Variants in DSCAML1 observed in about 807,000 individuals in gnomAD.
The protein encoded by DSCAML1 is DS cell adhesion molecule like 1, also known as cell adhesion molecule DSCAML1.
Under a neutral mutation model 200.5 loss-of-function variants are expected in DSCAML1, and 38 were observed. The ratio of observed to expected loss-of-function variants is 0.19; its 90% CI spans 0.15 to 0.25. The LOEUF (loss-of-function observed/expected upper bound fraction) is 0.25, where lower values mean the gene tolerates loss of function less well. DSCAML1 is among the 10% of genes least tolerant of loss of function. The pLI is 1.00. For missense variants in DSCAML1, 2,223 were observed against 2,858.8 expected (o/e 0.78, Z 5.07); for synonymous variants, 1,215 against 1,165.0 (o/e 1.04, Z -0.87).
intron 3 of DSCAML1, among the ~76,000 whole-genome samples, chr11:117,534,997 C>G (rs2050140214): frequency 6.6e-6 from 1 of 150,806 alleles, no homozygotes; most frequent in Admixed American, 6.6e-5. Flanking sequence ...TCCAATTGCC[C>G]CTCCCTCCCT....
rs2050783224 is a variant in DSCAML1 at position 117,567,812 on chromosome 11, C to T, written c.512-35290G>A. ...CAGAGGTACAAGGAGGAACTGGTAC[C>T]ATTCCTTCTGAAACTATTCCAATCA... On this transcript the variant is annotated intron_variant, in intron 3 of 32. Coordinates refer to ENST00000651296, the MANE Select transcript of DSCAML1 (RefSeq NM_020693.4). Among the ~76,000 whole-genome samples, 5 of 152,158 alleles carry T rather than the reference C, an allele frequency of 3.3e-5. No homozygotes were observed. In the South Asian group the frequency reaches 1.0e-3, roughly 32 times the overall value.
At chr11:117,670,818 G>A (rs1232423438) in intron 3 of DSCAML1, among the ~76,000 whole-genome samples, 2 of 152,172 alleles carry the variant, frequency 1.3e-5, no homozygotes, top group African/African-American at 2.4e-5. Flanking sequence ...GGGAAGGCAG[G>A]AGCAAACCTG....
rs182072493 is a variant in DSCAML1, at chr11:117,439,179, C to G, written c.4144+87G>C. On this transcript the variant is annotated intron_variant, in intron 23 of 32. Transcript: ENST00000651296. Reference sequence around the variant, plus strand: ...GTCTCTCCCTTGGTTTGGCTTCTTCCATTCGATGACCCTCTCGCATGATGG... The same window carrying G: ...GTCTCTCCCTTGGTTTGGCTTCTTCGATTCGATGACCCTCTCGCATGATGG... 3.4e-5 allele frequency: 53 copies of G among 1,542,582 alleles called. No homozygotes were observed. The African/African-American group carries it at 6.8e-4, about 20-fold the overall frequency.
chr11:117,751,534 G>T (rs2054605265), intron 3 of DSCAML1, among the ~76,000 whole-genome samples: 1 of 151,814 alleles, frequency 6.6e-6, no homozygotes, highest in Admixed American at 6.6e-5. Flanking sequence ...ACCATCTCGG[G>T]GCTTGGACAG....
At position 117,750,159 on chromosome 11, in the gene DSCAML1, C is replaced by G. The variant is rs534761416; in HGVS notation, c.511+26632G>C. On this transcript the variant is annotated intron_variant, in intron 3 of 32. Coordinates refer to ENST00000651296, the MANE Select transcript of DSCAML1 (RefSeq NM_020693.4). ...GGGCATCTGGCTGGAAGAGAGAGAACAAGGGATGTCTCAGCCTCCAGCAAG... is the reference window on the plus strand; with the variant it reads ...GGGCATCTGGCTGGAAGAGAGAGAAGAAGGGATGTCTCAGCCTCCAGCAAG... Among the ~76,000 whole-genome samples, 65 of 152,272 alleles carry G rather than the reference C, an allele frequency of 4.3e-4. 1 individual carries two copies. The South Asian group carries it at 0.013, about 30-fold the overall frequency.
At chr11:117,509,143 C>T (rs1289384882) in intron 8 of DSCAML1, among the ~76,000 whole-genome samples, 5 of 151,976 alleles carry the variant, frequency 3.3e-5, no homozygotes, top group Non-Finnish European at 7.4e-5. Flanking sequence ...AGACAAGGAC[C>T]GCCTGGATAT....
At chr11:117,524,711 A>G (rs2049942838) in intron 5 of DSCAML1, 94 bp downstream of exon 5, 1 of 1,432,576 alleles carries the variant, frequency 7.0e-7, no homozygotes, top group Admixed American at 2.7e-5. Context: ...GGGCCTGGTC[A>G]GAGACAGGTC....
At chr11:117,555,111 T>C (rs2050537843) in intron 3 of DSCAML1, among the ~76,000 whole-genome samples, 1 of 152,238 alleles carries the variant, frequency 6.6e-6, no homozygotes, top group Non-Finnish European at 1.5e-5. Context: ...GCTTCTTCCA[T>C]GGCCTTTGCA....
At chr11:117,638,323 TG>T (rs2052333444) in intron 3 of DSCAML1, among the ~76,000 whole-genome samples, 1 of 93,730 alleles carries the variant, frequency 1.1e-5, no homozygotes, top group African/African-American at 3.8e-5. Flanking sequence ...CAAGTGTGTG[TG>T]TGTGTGTGTG....
At chr11:117,681,576 T>C (rs1016646628) in intron 3 of DSCAML1, among the ~76,000 whole-genome samples, 15 of 152,304 alleles carry the variant, frequency 9.8e-5, no homozygotes, top group East Asian at 7.7e-4. Flanking sequence ...CAGGGCTTTA[T>C]TGAATTTCCA....
intron 1 of DSCAML1, among the ~76,000 whole-genome samples, chr11:117,787,063 C>A (rs1355114924): frequency 6.6e-6 from 1 of 152,214 alleles, no homozygotes; most frequent in Admixed American, 6.5e-5. Context: ...ACATACTAGG[C>A]ACACAGTACA....
At chr11:117,644,129 C>T (rs773628672) in intron 3 of DSCAML1, among the ~76,000 whole-genome samples, 4 of 152,324 alleles carry the variant, frequency 2.6e-5, no homozygotes, top group South Asian at 2.1e-4. Context: ...GGCTCAGGGC[C>T]GCCCGGTCGG....
intron 21 of DSCAML1, among the ~76,000 whole-genome samples, chr11:117,440,581 G>A (rs1178092822): frequency 6.6e-6 from 1 of 152,148 alleles, no homozygotes; most frequent in Non-Finnish European, 1.5e-5. Flanking sequence ...CCAGGAGACT[G>A]GACTCCCTCT....
intron 3 of DSCAML1, among the ~76,000 whole-genome samples, chr11:117,696,776 A>C (rs1475522008): frequency 2.0e-5 from 3 of 152,134 alleles, no homozygotes; most frequent in Non-Finnish European, 2.9e-5. Flanking sequence ...TGGAAATGCT[A>C]ATCTCCCATA....
intron 3 of DSCAML1, among the ~76,000 whole-genome samples, chr11:117,677,814 C>T (rs2053241210): frequency 6.6e-6 from 1 of 152,214 alleles, no homozygotes; most frequent in Admixed American, 6.5e-5. Context: ...GGGACTTGCC[C>T]AAGGCTGCCG....
chr11:117,624,014 G>A (rs2051993891), intron 3 of DSCAML1, among the ~76,000 whole-genome samples: 2 of 152,190 alleles, frequency 1.3e-5, no homozygotes, highest in African/African-American at 4.8e-5. Context: ...ATAATAATGG[G>A]CACCCAGGTA....
chr11:117,785,120 ACG>A (rs1386039597), intron 1 of DSCAML1, among the ~76,000 whole-genome samples: 2 of 152,178 alleles, frequency 1.3e-5, no homozygotes, highest in Non-Finnish European at 2.9e-5. Flanking sequence ...AGCACCAGCC[ACG>A]CGCTGCACCA....
intron 21 of DSCAML1, among the ~76,000 whole-genome samples, chr11:117,442,537 G>A (rs2048089343): frequency 6.6e-6 from 1 of 152,110 alleles, no homozygotes; most frequent in Non-Finnish European, 1.5e-5. Flanking sequence ...TATGGGGGAA[G>A]GGGGCAGGAG....
chr11:117,811,858 A>G (rs1191746355), intron 1 of DSCAML1, among the ~76,000 whole-genome samples: 1 of 152,112 alleles, frequency 6.6e-6, no homozygotes, highest in Non-Finnish European at 1.5e-5. Flanking sequence ...TACGGAGGCT[A>G]CCCACTCCAC....
Sources: allele counts gnomAD v4.1 joint callset (sites outside exome capture counted in the v4.1 genomes callset), GRCh38; gene constraint gnomAD v4.1.1; transcripts MANE v1.5; gene names NCBI Gene and HGNC (gene_info 2026-07-23, HGNC 2026-07-21).